The following METTL15 variants were observed in gnomAD, a reference collection of about 807,000 sequenced individuals.
METTL15 encodes 12S rRNA N(4)-cytidine methyltransferase METTL15.
In METTL15, 34 loss-of-function variants were observed where a neutral mutation model predicts 38.3. That is an observed-to-expected ratio of 0.89 (90% CI 0.68 to 1.18). METTL15 has a LOEUF of 1.18. Among genes scored for constraint, METTL15 ranks in the 50% most tolerant of loss-of-function variants. The pLI, the probability that METTL15 is intolerant of heterozygous loss-of-function variation, is 0.00. For missense variants in METTL15, 438 were observed against 498.4 expected (o/e 0.88, Z 1.15); for synonymous variants, 162 against 170.9 (o/e 0.95, Z 0.41).
chr11:28,392,982 C>T (rs977122792), intron 5 of METTL15, among the ~76,000 whole-genome samples: 2 of 150,738 alleles, frequency 1.3e-5, no homozygotes, highest in Non-Finnish European at 3.0e-5. Context: ...AGAATGACAA[C>T]GGGGAAAAAA....
intron 3 of METTL15, among the ~76,000 whole-genome samples, chr11:28,180,238 A>G (rs1851233926): frequency 6.6e-6 from 1 of 151,778 alleles, no homozygotes; most frequent in Non-Finnish European, 1.5e-5. Context: ...ATCCTTTTCA[A>G]ATTGATGTGT....
At chr11:28,366,446 G>T (rs1002749816) in intron 5 of METTL15, among the ~76,000 whole-genome samples, 1 of 152,020 alleles carries the variant, frequency 6.6e-6, no homozygotes, top group Non-Finnish European at 1.5e-5. Context: ...TAGGAGCAAT[G>T]AGTAGAAACT....
At chr11:28,201,614 T>TGTGTGTGTGTGTGTGTGTGTGTGC (rs1462002132) in intron 3 of METTL15, among the ~76,000 whole-genome samples, 1 of 150,978 alleles carries the variant, frequency 6.6e-6, no homozygotes, top group Non-Finnish European at 1.5e-5. Context: ...TGGGAGGGTG[T>TGTGTGTGTGTGTGTGTGTGTGTGC]GTGTGTGTGT....
chr11:28,184,471 A>T (rs1851419813), intron 3 of METTL15, among the ~76,000 whole-genome samples: 2 of 151,816 alleles, frequency 1.3e-5, no homozygotes, highest in Non-Finnish European at 2.9e-5. Context: ...TTTCGTTCTC[A>T]TTGGTTTCAA....
chr11:28,148,961 G>T (rs1422205500), intron 3 of METTL15, among the ~76,000 whole-genome samples: 1 of 151,912 alleles, frequency 6.6e-6, no homozygotes, highest in East Asian at 1.9e-4. Flanking sequence ...TAATAATACT[G>T]CGTTAAAAGG....
chr11:28,221,598 A>T (rs1853225678), intron 4 of METTL15, among the ~76,000 whole-genome samples: 1 of 151,988 alleles, frequency 6.6e-6, no homozygotes, highest in Admixed American at 6.6e-5. Flanking sequence ...GGTGGTGAGG[A>T]GCTGTGTTCC....
chr11:28,436,508 A>G (rs1850983187), intron 6 of METTL15, among the ~76,000 whole-genome samples: 1 of 151,678 alleles, frequency 6.6e-6, no homozygotes, highest in African/African-American at 2.4e-5. Context: ...GGCTAATCCA[A>G]GGTTGCCTTG....
chr11:28,486,285 G>T (rs1191091203), intron 6 of METTL15, among the ~76,000 whole-genome samples: 1 of 152,142 alleles, frequency 6.6e-6, no homozygotes, highest in Non-Finnish European at 1.5e-5. Context: ...GTACAGGAAA[G>T]TCTGTGGGAG....
At chr11:28,469,477 T>C (rs780198388) in intron 6 of METTL15, among the ~76,000 whole-genome samples, 2 of 152,110 alleles carry the variant, frequency 1.3e-5, no homozygotes, top group Admixed American at 1.3e-4. Context: ...TTATTACTAA[T>C]TGTAGTCACC....
intron 4 of METTL15, among the ~76,000 whole-genome samples, chr11:28,238,073 A>G (rs1480113199): frequency 6.6e-6 from 1 of 152,244 alleles, no homozygotes; most frequent in East Asian, 1.9e-4. Flanking sequence ...CCACTTGAGG[A>G]GGCAGTCTGC....
At chr11:28,212,585 C>G (rs981803171) in intron 4 of METTL15, among the ~76,000 whole-genome samples, 6 of 152,158 alleles carry the variant, frequency 3.9e-5, no homozygotes, top group African/African-American at 1.4e-4. Context: ...TGCATATAAC[C>G]TACACACATC....
chr11:28,357,603 T>A (rs1345207282), intron 4 of METTL15, among the ~76,000 whole-genome samples: 1 of 152,198 alleles, frequency 6.6e-6, no homozygotes, highest in Non-Finnish European at 1.5e-5. Context: ...TATAAGCGTA[T>A]TCTAAGAATC....
intron 6 of METTL15, among the ~76,000 whole-genome samples, chr11:28,497,777 G>A (rs1001517132): frequency 2.6e-5 from 4 of 152,104 alleles, no homozygotes; most frequent in African/African-American, 9.7e-5. Context: ...GGGGTATTAA[G>A]GCTGGATGCG....
intron 4 of METTL15, among the ~76,000 whole-genome samples, chr11:28,283,265 T>C (rs1016556595): frequency 6.6e-6 from 1 of 152,192 alleles, no homozygotes; most frequent in Non-Finnish European, 1.5e-5. Context: ...GCCCTGATTC[T>C]ACATAAATAA....
At chr11:28,226,348 A>G (rs1853476700) in intron 4 of METTL15, among the ~76,000 whole-genome samples, 1 of 151,926 alleles carries the variant, frequency 6.6e-6, no homozygotes, top group Non-Finnish European at 1.5e-5. Flanking sequence ...TTGAACTTCC[A>G]TTGTTTTGTT....
chr11:28,352,822 A>G (rs988608282), intron 4 of METTL15, among the ~76,000 whole-genome samples: 6 of 152,358 alleles, frequency 3.9e-5, no homozygotes, highest in South Asian at 4.1e-4. Context: ...TGACAGCTCA[A>G]TGGTTCAATG....
intron 3 of METTL15, among the ~76,000 whole-genome samples, chr11:28,207,998 C>T (rs1852437185): frequency 1.3e-5 from 2 of 152,138 alleles, no homozygotes; most frequent in African/African-American, 4.8e-5. Context: ...ATTCTTCTCT[C>T]ATTTCTTCTT....
chr11:28,413,879 C>T (rs1161167661), intron 5 of METTL15, among the ~76,000 whole-genome samples: 4 of 152,180 alleles, frequency 2.6e-5, no homozygotes, highest in Non-Finnish European at 5.9e-5. Context: ...ATCTAGTCTT[C>T]TTGCTGTGGC....
chr11:28,464,012 A>G lies in METTL15; in HGVS notation c.*424+39648A>G, dbSNP rs147781868. On this transcript the variant is annotated intron_variant and NMD_transcript_variant, in intron 6 of 7. Coordinates refer to the METTL15 transcript ENST00000532947. Reference sequence around the variant, plus strand: ...GCTTTCCCGCAGTCATTCCTGCGCTATGACCTAGGGTGATGATTTAATTTT... The same window carrying G: ...GCTTTCCCGCAGTCATTCCTGCGCTGTGACCTAGGGTGATGATTTAATTTT... Among the ~76,000 whole-genome samples the G allele has an allele frequency of 3.3e-5, 5 of 152,270 alleles. No homozygotes were observed. In the East Asian group the frequency reaches 9.7e-4, roughly 29 times the overall value.
Sources: gnomAD v4.1 joint callset for allele counts (sites outside exome capture counted in the v4.1 genomes callset) on GRCh38, gnomAD v4.1.1 for gene constraint, MANE v1.5 for transcripts, NCBI Gene and HGNC (gene_info 2026-07-23, HGNC 2026-07-21) for gene names.